The following SULT6B1 variants were observed in gnomAD, a reference collection of about 807,000 sequenced individuals.
SULT6B1 encodes sulfotransferase 6B1.
A neutral mutation model predicts 37.2 loss-of-function variants in SULT6B1; 44 were observed. The observed-to-expected ratio is 1.18, with a 90% confidence interval of 0.93 to 1.52. The LOEUF is 1.52. Among genes scored for constraint, SULT6B1 ranks in the 40% most tolerant of loss-of-function variants. The probability of loss-of-function intolerance (pLI) is 0.00; values close to 1 mark genes in which losing one functional copy is unlikely to be tolerated. For missense variants in SULT6B1, 450 were observed against 361.0 expected (o/e 1.25, Z -2.00); for synonymous variants, 140 against 126.0 (o/e 1.11, Z -0.74).
At chr2:37,195,005 A>G (rs544660877) in intron 1 of SULT6B1, among the ~76,000 whole-genome samples, 40 of 150,830 alleles carry the variant, frequency 2.7e-4, no homozygotes, top group Non-Finnish European at 4.7e-4. Flanking sequence ...GCTGGAGTGC[A>G]GTGGCACGAT....
At chr2:37,195,154 T>C (rs1676884448) in intron 1 of SULT6B1, among the ~76,000 whole-genome samples, 1 of 152,120 alleles carries the variant, frequency 6.6e-6, no homozygotes, top group African/African-American at 2.4e-5. Context: ...TTCTCCTTGT[T>C]GGCTAGGCTG....
intron 2 of SULT6B1, among the ~76,000 whole-genome samples, chr2:37,186,867 G>C (rs916950403): frequency 6.6e-6 from 1 of 152,198 alleles, no homozygotes; most frequent in Admixed American, 6.5e-5. Flanking sequence ...CTGCACTGCA[G>C]CCTGGGCAAT....
At chr2:37,186,759 A>G (rs115433576) in intron 2 of SULT6B1, among the ~76,000 whole-genome samples, 2 of 152,160 alleles carry the variant, frequency 1.3e-5, no homozygotes, top group East Asian at 3.9e-4. Flanking sequence ...AACCAGGTGT[A>G]CTGGCACGTG....
chr2:37,167,905 ATAAATC>A lies in SULT6B1; in HGVS notation c.*24_*29del, dbSNP rs756299168. The A allele has an allele frequency of 8.5e-6, 13 of 1,523,796 alleles. No individual in the cohort carries two copies. Among genetic ancestry groups the A allele is most frequent in the Non-Finnish European group, 1.0e-5 (12 of 1,147,184 alleles). The allele number at this position is 1,523,796 out of a possible 1,614,324, so 94.4% of individuals were successfully genotyped here. A position where few individuals can be genotyped will look rare whatever the true frequency, so the allele number is the denominator to read the frequency against. The stretch of plus-strand genomic sequence containing the variant: ...TTACACTTAATTATTATTAAGGAAA[ATAAATC>A]TAGGCCTGCTGAATTGACTGGAATC... On this transcript the variant is annotated 3_prime_UTR_variant, in exon 7 of 7. Transcript: ENST00000535679.
intron 4 of SULT6B1, among the ~76,000 whole-genome samples, chr2:37,178,545 T>A (rs151139324): frequency 3.2e-3 from 480 of 152,292 alleles, no homozygotes; most frequent in African/African-American, 0.011. Flanking sequence ...TGATTTATAT[T>A]TTGATTAGTT....
rs544679237 is a variant in SULT6B1, at chr2:37,171,325, G to A, written c.781+109C>T. The A allele has an allele frequency of 4.4e-5, 59 of 1,336,700 alleles. 1 individual carries two copies. The highest frequency in any genetic ancestry group is 2.3e-4 in the African/African-American group (16 of 68,094). The allele number at this position is 1,336,700 out of a possible 1,614,324, so 82.8% of individuals were successfully genotyped here. ...CTGTGTCCAGACCTCTTACTGAGGC[G>A]GAGAAAAATAAAACCCTATCTGACT... On this transcript the variant is annotated intron_variant, in intron 6 of 6. Transcript: ENST00000535679.
In SULT6B1 at chr2:37,168,058, A is replaced by T; in HGVS notation, c.789T>A (p.Val263=). 1 of 1,590,662 alleles carries T rather than the reference A, an allele frequency of 6.3e-7. No homozygotes were observed. The highest frequency in any genetic ancestry group is 8.5e-7 in the Non-Finnish European group (1 of 1,173,926). ...CACTGAACAAATTTTTCCAATCACC[A>T]ACTTCACCTACAACACACAAAAAAC... ...VGPFLFRKGE[V]GDWKNLFSEI... The change falls in exon 7 of 7, where the codon GTT becomes GTA. Residue 263 remains valine, a synonymous_variant. Coordinates refer to ENST00000535679, the MANE Select transcript of SULT6B1 (RefSeq NM_001367551.1).
Position 37,188,436 on chromosome 2 carries a change from A to G in SULT6B1, c.199+6T>C. On this transcript the variant is annotated splice_donor_region_variant and intron_variant, in intron 1 of 6. Coordinates refer to ENST00000535679, the MANE Select transcript of SULT6B1 (RefSeq NM_001367551.1). ...GTGTACTTGTAGGAAACGACTTGTC[A>G]TTTACCGCACTTTGGATAAGATGCT... 2 of 1,611,522 alleles carry G rather than the reference A, an allele frequency of 1.2e-6. No individual in the cohort carries two copies. The highest frequency in any genetic ancestry group is 1.7e-6 in the Non-Finnish European group (2 of 1,178,384).
Position 37,176,106 on chromosome 2 carries a change from C to A in SULT6B1, c.530-880G>T, listed in dbSNP as rs77637067. ...CAATGCAGATGCAGACACTGGTCAGCTGTGCTGGTTACTAGCTCTGTGACT... is the reference window on the plus strand; with the variant it reads ...CAATGCAGATGCAGACACTGGTCAGATGTGCTGGTTACTAGCTCTGTGACT... On this transcript the variant is annotated intron_variant, in intron 4 of 6. Coordinates refer to ENST00000535679, the MANE Select transcript of SULT6B1 (RefSeq NM_001367551.1). Among the ~76,000 whole-genome samples the A allele has an allele frequency of 9.9e-5, 15 of 152,222 alleles. No homozygotes were observed. The East Asian group carries it at 2.9e-3, about 29-fold the overall frequency.
At chr2:37,193,652 G>GAAGAAGA (rs1420064697), upstream of SULT6B1, among the ~76,000 whole-genome samples, 13 of 46,774 alleles carry the variant, frequency 2.8e-4, no homozygotes, top group African/African-American at 5.6e-4. Context: ...GAAGAAGAAG[G>GAAGAAGA]AGAAGAAGGA....
At chr2:37,178,986 A>C (rs955157961) in intron 4 of SULT6B1, among the ~76,000 whole-genome samples, 10 of 151,922 alleles carry the variant, frequency 6.6e-5, no homozygotes, top group Admixed American at 1.3e-4. Context: ...TTTTTGAGAC[A>C]GAGTCTCGCT....
At chr2:37,168,150 C>G in intron 6 of SULT6B1, 85 bp from the exon 7 acceptor site, 1 of 1,326,930 alleles carries the variant, frequency 7.5e-7, no homozygotes. Context: ...ATATTTCACT[C>G]TGATATGTTA....
chr2:37,190,064 G>C (rs1676751663), upstream of SULT6B1: 1 of 152,196 alleles, frequency 6.6e-6, no homozygotes, highest in Non-Finnish European at 1.5e-5. Context: ...ATGTGAAAGA[G>C]CATAATTGTT....
chr2:37,179,537 C>A lies in SULT6B1; in HGVS notation c.450G>T (p.Leu150Phe), dbSNP rs10205833. Residue 150 changes from leucine (L) to phenylalanine (F), a missense_variant, in exon 4 of 7, where the codon TTG (leucine) becomes TTT (phenylalanine). Physicochemically the swap from Leu to Phe is conservative, Grantham distance 22. Coordinates refer to ENST00000535679, the MANE Select transcript of SULT6B1 (RefSeq NM_001367551.1). ...RNPKDTAVSF[L>F]HFHNDVPDIP... ...TATCGGGGACATCGTTGTGGAAATG[C>A]AAAAAAGATACTGCTGTATCTTTAG... 2 of 1,613,018 alleles carry A rather than the reference C, an allele frequency of 1.2e-6. No individual in the cohort carries two copies. The highest frequency in any genetic ancestry group is 1.7e-6 in the Non-Finnish European group (2 of 1,179,514).
At chr2:37,178,282 G>T (rs1354805742) in intron 4 of SULT6B1, among the ~76,000 whole-genome samples, 3 of 151,908 alleles carry the variant, frequency 2.0e-5, no homozygotes, top group Non-Finnish European at 4.4e-5. Flanking sequence ...CTGTCACCCA[G>T]GCTGGAGTGC....
chr2:37,182,963 T>C (rs1330943948), intron 3 of SULT6B1, among the ~76,000 whole-genome samples: 1 of 152,150 alleles, frequency 6.6e-6, no homozygotes, highest in East Asian at 1.9e-4. Flanking sequence ...GGCAGAAGGA[T>C]CTCTTGAAGT....
At chr2:37,168,304 G>A (rs554240151) in intron 6 of SULT6B1, among the ~76,000 whole-genome samples, 7 of 152,094 alleles carry the variant, frequency 4.6e-5, no homozygotes, top group South Asian at 2.1e-4. Flanking sequence ...TGGGATTACC[G>A]GCGCCCGCCA....
chr2:37,171,807 T>A (rs1048239203), intron 5 of SULT6B1, among the ~76,000 whole-genome samples: 12 of 152,158 alleles, frequency 7.9e-5, no homozygotes, highest in African/African-American at 2.9e-4. Context: ...AATTTATGAC[T>A]CTTGTTGAAC....
chr2:37,175,206 CA>C lies in SULT6B1; in HGVS notation c.549del (p.Phe183LeufsTer24). On this transcript the variant is annotated frameshift_variant, in exon 5 of 7. Transcript: ENST00000535679. LOFTEE classifies it high-confidence loss of function. ...TGTTTGTTCCAATTGATTGCAAAAT[CA>C]AAATACCTTCCCCAAGAAACTAAAA... is the stretch of plus-strand genomic sequence containing the variant. ...MKGQVSWGRY[F>X]DFAINWNKHL... is the part of the protein sequence containing the mutation. 1 of 1,588,290 alleles carries C rather than the reference CA, an allele frequency of 6.3e-7. No homozygotes were observed. The highest frequency in any genetic ancestry group is 1.2e-5 in the South Asian group (1 of 86,526).
Sources: gnomAD v4.1 joint callset for allele counts (sites outside exome capture counted in the v4.1 genomes callset) on GRCh38, gnomAD v4.1.1 for gene constraint, MANE v1.5 for transcripts, NCBI Gene and HGNC (gene_info 2026-07-23, HGNC 2026-07-21) for gene names.